Variants in GPD1L observed in about 807,000 individuals in gnomAD.
GPD1L encodes glycerol-3-phosphate dehydrogenase 1-like protein.
A neutral mutation model predicts 32.9 loss-of-function variants in GPD1L; 17 were observed. The ratio of observed to expected loss-of-function variants is 0.52; its 90% confidence interval spans 0.35 to 0.78. The LOEUF (loss-of-function observed/expected upper bound fraction) is 0.78. GPD1L is among the 30% of genes least tolerant of loss of function. GPD1L has a pLI of 0.01. For synonymous variants in GPD1L, 187 were observed against 165.9 expected (o/e 1.13, Z -0.98); for missense variants, 361 against 447.8 (o/e 0.81, Z 1.75).
chr3:32,130,416 G>A (rs1040225342), intron 2 of GPD1L, among the ~76,000 whole-genome samples: 1 of 152,124 alleles, frequency 6.6e-6, no homozygotes, highest in Admixed American at 6.5e-5. Context: ...TCAAGCAGGA[G>A]AGGTTTGTTG....
At chr3:32,138,840 T>C (rs935769817) in intron 3 of GPD1L, 113 bp downstream of exon 3, 40 of 1,102,816 alleles carry the variant, frequency 3.6e-5, no homozygotes, top group Admixed American at 9.4e-5. Flanking sequence ...TGGCGGTTTT[T>C]CGTTTGTGTT....
At chr3:32,110,382 T>C (rs1400349745) in intron 1 of GPD1L, among the ~76,000 whole-genome samples, 1 of 152,250 alleles carries the variant, frequency 6.6e-6, no homozygotes, top group African/African-American at 2.4e-5. Context: ...GACCTACCCT[T>C]CCAGATCTGG....
rs922553304 is a variant in GPD1L at position 32,168,660 on chromosome 3, G to A, written c.*2750G>A. 1 of 152,626 alleles carries A rather than the reference G, an allele frequency of 6.6e-6. No individual in the cohort carries two copies. The highest frequency in any genetic ancestry group is 1.5e-5 in the Non-Finnish European group (1 of 68,036). The allele number at this position is 152,626 out of a possible 1,614,324, so 9.5% of individuals were successfully genotyped here. On this transcript the variant is annotated 3_prime_UTR_variant, in exon 8 of 8. Transcript: ENST00000282541. ...TACTATATTTGTTTATAGACTGTAG[G>A]TGGATATATAATTTAAAAGCTTGAT...
In GPD1L at chr3:32,142,426, C is replaced by T. The variant is rs566423783; in HGVS notation, c.505+2060C>T. ...GCCACCGCGCCCGGCTGATTTCATT[C>T]TTTTTTAATGGCTTTTACTATTAGC... is the stretch of plus-strand genomic sequence containing the variant. On this transcript the variant is annotated intron_variant, in intron 4 of 7. Coordinates refer to ENST00000282541, the MANE Select transcript of GPD1L (RefSeq NM_015141.4). Among the ~76,000 whole-genome samples, 3 of 152,168 alleles carry T rather than the reference C, an allele frequency of 2.0e-5. No homozygotes were observed. The East Asian group carries it at 5.8e-4, about 29-fold the overall frequency.
At chr3:32,123,642 T>C (rs1170177398) in intron 1 of GPD1L, among the ~76,000 whole-genome samples, 1 of 152,122 alleles carries the variant, frequency 6.6e-6, no homozygotes. Context: ...CTCGTGCCCT[T>C]GACCCAGCCA....
At chr3:32,133,241 G>A (rs943440736) in intron 2 of GPD1L, among the ~76,000 whole-genome samples, 1 of 152,166 alleles carries the variant, frequency 6.6e-6, no homozygotes, top group Non-Finnish European at 1.5e-5. Flanking sequence ...TCAGCATGTA[G>A]ATTCATACAG....
chr3:32,147,176 T>A (rs550475884), intron 5 of GPD1L, among the ~76,000 whole-genome samples: 3 of 150,686 alleles, frequency 2.0e-5, no homozygotes, highest in Admixed American at 2.0e-4. Flanking sequence ...CTGCTGCTGG[T>A]AGAGGTTTTT....
At chr3:32,116,505 T>G (rs1008526936) in intron 1 of GPD1L, among the ~76,000 whole-genome samples, 4 of 152,026 alleles carry the variant, frequency 2.6e-5, no homozygotes, top group Non-Finnish European at 4.4e-5. Flanking sequence ...TCTAGTTGAT[T>G]AATGGTGGCT....
intron 1 of GPD1L, among the ~76,000 whole-genome samples, chr3:32,114,782 C>T (rs544093148): frequency 2.6e-5 from 4 of 152,136 alleles, no homozygotes; most frequent in Admixed American, 2.6e-4. Context: ...TTCGGAGTTT[C>T]TTCCTTCCAG....
At chr3:32,113,359 C>T (rs1228599852) in intron 1 of GPD1L, among the ~76,000 whole-genome samples, 1 of 152,056 alleles carries the variant, frequency 6.6e-6, no homozygotes, top group Non-Finnish European at 1.5e-5. Context: ...TTAGGTGAGC[C>T]TACTCTTCTC....
chr3:32,108,331 C>A (rs1410302031), intron 1 of GPD1L, among the ~76,000 whole-genome samples: 2 of 152,112 alleles, frequency 1.3e-5, no homozygotes, highest in African/African-American at 4.8e-5. Context: ...CACGGTGAAA[C>A]CCCGTCTCTA....
intron 1 of GPD1L, among the ~76,000 whole-genome samples, chr3:32,116,114 T>C (rs902407716): frequency 1.3e-5 from 2 of 152,110 alleles, no homozygotes; most frequent in South Asian, 2.1e-4. Flanking sequence ...GTTGGGTTTC[T>C]TGAGTGGATC....
rs1700973697 is a variant in GPD1L, at chr3:32,155,378, TAATA to T, written c.619-3492_619-3489del. On this transcript the variant is annotated intron_variant, in intron 5 of 7. Transcript: ENST00000282541. ...CTAGCCTGGGCTGGCTGAAGGCACG[TAATA>T]AATAAGTGCCTCCCCTCCTCTGTTG... 2.0e-5 allele frequency among the ~76,000 whole-genome samples: 3 copies of T among 152,172 alleles called. No individual in the cohort carries two copies. In the South Asian group the frequency reaches 6.2e-4, roughly 32 times the overall value.
At chr3:32,124,150 C>T (rs1339620735) in intron 1 of GPD1L, among the ~76,000 whole-genome samples, 2 of 152,166 alleles carry the variant, frequency 1.3e-5, no homozygotes, top group Non-Finnish European at 2.9e-5. Context: ...ACTGCAACCT[C>T]CGCCTCCTGA....
intron 4 of GPD1L, among the ~76,000 whole-genome samples, chr3:32,144,540 G>A (rs1575117080): frequency 6.6e-6 from 1 of 152,168 alleles, no homozygotes; most frequent in African/African-American, 2.4e-5. Context: ...AAAACTTGGT[G>A]TGACAGAGAA....
chr3:32,133,502 G>T lies in GPD1L; in HGVS notation c.226-5085G>T, dbSNP rs554720614. ...TATAAATACAATTTTAGACATTGCT[G>T]TAGGCTCGAAAAGACCTTGGAAGGA... On this transcript the variant is annotated intron_variant, in intron 2 of 7. Transcript: ENST00000282541. Among the ~76,000 whole-genome samples the T allele has an allele frequency of 9.2e-5, 14 of 152,280 alleles. No individual in the cohort carries two copies. In the South Asian group the frequency reaches 2.9e-3, roughly 32 times the overall value.
At chr3:32,138,779 C>A in intron 3 of GPD1L, 52 bp downstream of exon 3, 1 of 1,550,452 alleles carries the variant, frequency 6.4e-7, no homozygotes, top group Non-Finnish European at 8.9e-7. Flanking sequence ...CAGGAAATTT[C>A]ATTTCCTCAC....
At chr3:32,120,280 T>G (rs541553501) in intron 1 of GPD1L, among the ~76,000 whole-genome samples, 1 of 151,672 alleles carries the variant, frequency 6.6e-6, no homozygotes, top group East Asian at 1.9e-4. Context: ...ATCGCACCAC[T>G]GTACTCCAGC....
chr3:32,115,792 T>C (rs1700325442), intron 1 of GPD1L, among the ~76,000 whole-genome samples: 1 of 51,146 alleles, frequency 2.0e-5, no homozygotes, highest in African/African-American at 1.3e-4. Context: ...TTTTTTTTTT[T>C]TTTTTTTTTT....
Sources: gnomAD v4.1 joint callset for allele counts (sites outside exome capture counted in the v4.1 genomes callset) on GRCh38, gnomAD v4.1.1 for gene constraint, MANE v1.5 for transcripts, NCBI Gene and HGNC (gene_info 2026-07-23, HGNC 2026-07-21) for gene names.